The following RASAL2 variants were observed in gnomAD, a reference collection of about 807,000 sequenced individuals.
The protein encoded by RASAL2 is RAS protein activator like 2.
Under a neutral mutation model 128.9 loss-of-function variants are expected in RASAL2, and 58 were observed. The ratio of observed to expected loss-of-function variants is 0.45; its 90% CI spans 0.36 to 0.56. The LOEUF (loss-of-function observed/expected upper bound fraction) is 0.56. Among genes scored for constraint, RASAL2 ranks in the 20% least tolerant of loss-of-function variants. RASAL2 has a pLI of 0.00. For missense variants in RASAL2, 1,360 were observed against 1,601.6 expected (o/e 0.85, Z 2.57); for synonymous variants, 561 against 580.8 (o/e 0.97, Z 0.49).
At chr1:178,279,217 C>T (rs1184896622) in intron 1 of RASAL2, among the ~76,000 whole-genome samples, 1 of 152,174 alleles carries the variant, frequency 6.6e-6, no homozygotes, top group Admixed American at 6.5e-5. Context: ...ATTATAGTTA[C>T]ATAACCTGCT....
chr1:178,438,881 CTGTGTGTG>C (rs3042589), intron 5 of RASAL2, among the ~76,000 whole-genome samples: 4,496 of 129,374 alleles, frequency 0.035, 174 homozygotes, highest in African/African-American at 0.096. Context: ...AGCTTCGACT[CTGTGTGTG>C]TGTGTGTGTG....
intron 1 of RASAL2, among the ~76,000 whole-genome samples, chr1:178,118,835 A>G (rs1170974493): frequency 6.7e-6 from 1 of 149,584 alleles, no homozygotes; most frequent in Non-Finnish European, 1.5e-5. Context: ...AGCAGGTTGA[A>G]TATGTCACAC....
intron 2 of RASAL2, among the ~76,000 whole-genome samples, chr1:178,288,668 T>C (rs1050588542): frequency 1.7e-5 from 2 of 114,554 alleles, no homozygotes; most frequent in African/African-American, 9.0e-5. Context: ...TTTTTTTTTT[T>C]GAGACAGACT....
intron 12 of RASAL2, among the ~76,000 whole-genome samples, chr1:178,455,295 A>G (rs868407479): frequency 1.2e-4 from 19 of 152,330 alleles, no homozygotes; most frequent in Middle Eastern, 3.4e-3. Context: ...GTAGTAAAAA[A>G]TAGTCTAAAA....
rs1428902889 is a variant in RASAL2, at chr1:178,454,655, T to C, written c.2211+7T>C. The C allele has an allele frequency of 5.6e-6, 9 of 1,611,766 alleles. No homozygotes were observed. In the South Asian group the frequency reaches 9.9e-5, roughly 18 times the overall value. ...AGTTTCCCAACTTGATAAGGTAAAG[T>C]AGGTTGGTGGAAGATAGAGAACTTT... On this transcript the variant is annotated splice_region_variant and intron_variant, in intron 12 of 17. Coordinates refer to ENST00000367649, the MANE Select transcript of RASAL2 (RefSeq NM_170692.4).
rs749699363 is a variant in RASAL2 at position 178,458,449 on chromosome 1, G to C, written c.3157G>C (p.Val1053Leu). 10 of 1,614,220 alleles carry C rather than the reference G, an allele frequency of 6.2e-6. No homozygotes were observed. The Admixed American group carries it at 1.7e-4, about 27-fold the overall frequency. The change falls in exon 14 of 18, where the codon GTG (valine) becomes CTG (leucine). Residue 1053 changes from valine to leucine, a missense_variant. Val to Leu is a conservative substitution (Grantham distance 32, BLOSUM62 1). Around this residue, in one of 3 missense-constraint regions of RASAL2, gnomAD observed 741 missense variants for 868.6 expected, o/e 0.85. Transcript: ENST00000367649. ...VVSAALVAEPVQNGSRSRQQS... is the reference protein window; with the variant it reads ...VVSAALVAEPLQNGSRSRQQS... ...GTCCGCAGCCCTGGTGGCCGAACCT[G>C]TGCAGAATGGGAGCCGGTCCCGGCA...
intron 1 of RASAL2, among the ~76,000 whole-genome samples, chr1:178,216,989 T>G (rs548837293): frequency 2.6e-5 from 4 of 151,824 alleles, no homozygotes; most frequent in Non-Finnish European, 5.9e-5. Context: ...TTATTTATTT[T>G]TTTGAGACGG....
chr1:178,439,426 C>G lies in RASAL2; in HGVS notation c.679C>G (p.Arg227Gly). ...PSLRSTDDRS[R>G]GLPKLKESRS... ...AATATCTTTTTCTACTTTTAGGTCT[C>G]GTGGGCTGCCTAAACTAAAAGAGTC... is the stretch of plus-strand genomic sequence containing the variant. The change falls in exon 6 of 18, where the codon CGT (arginine) becomes GGT (glycine). Residue 227 changes from arginine (R) to glycine (G), a missense_variant. This residue lies in a region of RASAL2 where 617 missense variants were observed against 714.2 expected (regional missense o/e 0.86). Transcript: ENST00000367649. 6.2e-7 allele frequency: 1 copy of G among 1,605,036 alleles called. No homozygotes were observed.
At chr1:178,446,446 G>A (rs542185952) in intron 9 of RASAL2, among the ~76,000 whole-genome samples, 4 of 152,240 alleles carry the variant, frequency 2.6e-5, no homozygotes, top group South Asian at 2.1e-4. Context: ...AGGATGAAGA[G>A]AAACAGGTGA....
intron 1 of RASAL2, among the ~76,000 whole-genome samples, chr1:178,196,324 A>G (rs1240938695): frequency 6.6e-6 from 1 of 152,214 alleles, no homozygotes; most frequent in Non-Finnish European, 1.5e-5. Context: ...TCAAGGTACA[A>G]AGTGAGAAGA....
chr1:178,379,991 A>G (rs1672194358), intron 3 of RASAL2, among the ~76,000 whole-genome samples: 1 of 152,152 alleles, frequency 6.6e-6, no homozygotes, highest in African/African-American at 2.4e-5. Context: ...TCCCAGCCTC[A>G]GCGCCCCCTA....
intron 1 of RASAL2, among the ~76,000 whole-genome samples, chr1:178,223,027 C>T (rs1476578461): frequency 6.6e-6 from 1 of 152,098 alleles, no homozygotes; most frequent in Non-Finnish European, 1.5e-5. Flanking sequence ...ATGTAATCTT[C>T]ATGGTATCAG....
rs1483726267 is a variant in RASAL2, at chr1:178,465,400, A to C, written c.3388-520A>C. Among the ~76,000 whole-genome samples the C allele has an allele frequency of 1.3e-5, 2 of 152,208 alleles. 1 individual carries two copies. The highest frequency in any genetic ancestry group is 1.3e-4 in the Admixed American group (2 of 15,280). On this transcript the variant is annotated intron_variant, in intron 15 of 17. Coordinates refer to ENST00000367649, the MANE Select transcript of RASAL2 (RefSeq NM_170692.4). Reference sequence around the variant, plus strand: ...GCTTGTTCTCTGTAGGGCTGATTCTAGTAGAACAAAGGAATGGCAGTCTGA... The same window carrying C: ...GCTTGTTCTCTGTAGGGCTGATTCTCGTAGAACAAAGGAATGGCAGTCTGA...
intron 1 of RASAL2, among the ~76,000 whole-genome samples, chr1:178,157,891 T>C (rs1384090187): frequency 6.6e-6 from 1 of 152,178 alleles, no homozygotes; most frequent in Admixed American, 6.5e-5. Flanking sequence ...CAATATTTTA[T>C]TCATTTGCTC....
intron 2 of RASAL2, among the ~76,000 whole-genome samples, chr1:178,285,026 A>AT (rs958290340): frequency 7.0e-6 from 1 of 143,530 alleles, no homozygotes; most frequent in Non-Finnish European, 1.5e-5. Context: ...CTTTCTCAGC[A>AT]TTTTTTAATG....
intron 1 of RASAL2, among the ~76,000 whole-genome samples, chr1:178,177,658 G>T (rs1443853151): frequency 6.6e-6 from 1 of 152,180 alleles, no homozygotes; most frequent in Non-Finnish European, 1.5e-5. Flanking sequence ...TGAGGGAATA[G>T]CATGGGAAGG....
intron 12 of RASAL2, 148 bp from the exon 13 acceptor site, chr1:178,456,573 A>G (rs1677788527): frequency 2.5e-6 from 2 of 815,874 alleles, no homozygotes; most frequent in African/African-American, 1.7e-5. Context: ...ATAACAATGC[A>G]TTATGAACCT....
At chr1:178,468,878 G>T (rs1647991776) in intron 17 of RASAL2, among the ~76,000 whole-genome samples, 1 of 152,160 alleles carries the variant, frequency 6.6e-6, no homozygotes, top group African/African-American at 2.4e-5. Flanking sequence ...ATGTTAGTAG[G>T]TTTTCACTTT....
At chr1:178,275,278 C>G (rs1666445428) in intron 1 of RASAL2, among the ~76,000 whole-genome samples, 1 of 152,214 alleles carries the variant, frequency 6.6e-6, no homozygotes, top group East Asian at 1.9e-4. Flanking sequence ...CAGCTTTGAT[C>G]TTCTGAGCTC....
Sources: allele counts gnomAD v4.1 joint callset (sites outside exome capture counted in the v4.1 genomes callset), GRCh38; gene constraint gnomAD v4.1.1; regional missense constraint gnomAD v4.1.1; transcripts MANE v1.5; gene names NCBI Gene and HGNC (gene_info 2026-07-23, HGNC 2026-07-21).